Variants in RSRP1 observed in about 807,000 individuals in gnomAD.
RSRP1 encodes arginine/serine-rich protein 1.
RSRP1 carries 37 observed loss-of-function variants against 33.0 expected under a neutral mutation model. The ratio of observed to expected loss-of-function variants is 1.12; its 90% CI spans 0.86 to 1.48. The LOEUF (loss-of-function observed/expected upper bound fraction) is 1.48, where lower values mean the gene tolerates loss of function less well. RSRP1 is among the 40% of genes most tolerant of loss of function. The pLI, the probability that RSRP1 is intolerant of heterozygous loss-of-function variation, is 0.00. For synonymous variants in RSRP1, 167 were observed against 158.7 expected, an observed-to-expected ratio of 1.05 and a Z score of -0.40; for missense variants, 402 against 385.3, an observed-to-expected ratio of 1.04 and a Z score of -0.36.
intron 1 of RSRP1, among the ~76,000 whole-genome samples, chr1:25,292,526 C>T (rs975933595): frequency 7.6e-6 from 1 of 131,488 alleles, no homozygotes; most frequent in African/African-American, 2.6e-5. Context: ...TCAAGGTTCT[C>T]ATCTGGCACA....
At chr1:25,299,582 G>A (rs1643221875) in intron 1 of RSRP1, among the ~76,000 whole-genome samples, 1 of 128,386 alleles carries the variant, frequency 7.8e-6, no homozygotes, top group Admixed American at 7.6e-5. Context: ...GAACACGCTA[G>A]TGGGTTTGAG....
chr1:25,298,466 C>T (rs617674), intron 1 of RSRP1, among the ~76,000 whole-genome samples: 1,335 of 105,570 alleles, frequency 0.013, 100 homozygotes, highest in African/African-American at 0.029. Flanking sequence ...GCAGGAGGGC[C>T]CGGGGGAACC....
chr1:25,296,961 A>G (rs1303421447), intron 1 of RSRP1, among the ~76,000 whole-genome samples: 1 of 131,634 alleles, frequency 7.6e-6, no homozygotes, highest in Non-Finnish European at 1.8e-5. Context: ...ATTCTCTTAC[A>G]TAACCTTTTT....
At position 25,321,942 on chromosome 1, in the gene RSRP1, G is replaced by T; in HGVS notation, c.-67+16036C>A. ...AGCACCTCATGAGGCTAAATATTTT[G>T]ATGACCAAGTTTTCTGGAAGGTAAG... On this transcript the variant is annotated intron_variant, in intron 1 of 1. Coordinates refer to the RSRP1 transcript ENST00000561867. 1.5e-6 allele frequency: 2 copies of T among 1,333,124 alleles called. 1 individual carries two copies. Among genetic ancestry groups the T allele is most frequent in the Non-Finnish European group, 2.1e-6 (2 of 938,184 alleles). The allele number at this position is 1,333,124 out of a possible 1,614,324, so 82.6% of individuals were successfully genotyped here. A position where few individuals can be genotyped will look rare whatever the true frequency, so the allele number is the denominator to read the frequency against.
intron 3 of RSRP1, chr1:25,244,287 CGT>C: frequency 7.8e-7 from 1 of 1,288,554 alleles, no homozygotes; most frequent in Non-Finnish European, 1.0e-6. Context: ...ACCGTTACAA[CGT>C]GTACCTTTGC....
In RSRP1 at chr1:25,306,365, C is replaced by T. The variant is rs754109489; in HGVS notation, c.-67+31613G>A. On this transcript the variant is annotated intron_variant, in intron 1 of 1. Coordinates refer to the RSRP1 transcript ENST00000561867. Reference sequence around the variant, plus strand: ...CAGCAGCATTGGCATCACCTGGGACCTTGTTAGAAATGCTGTTAGACCCCA... The same window carrying T: ...CAGCAGCATTGGCATCACCTGGGACTTTGTTAGAAATGCTGTTAGACCCCA... Among the ~76,000 whole-genome samples, 27 of 131,910 alleles carry T rather than the reference C, an allele frequency of 2.0e-4. 9 individuals are homozygous for T. The highest frequency in any genetic ancestry group is 3.9e-4 in the Non-Finnish European group (22 of 55,764). 86.5% of individuals were successfully genotyped at this position (131,910 alleles called of 152,430 possible).
intron 1 of RSRP1, chr1:25,337,103 C>T (rs567730597): frequency 6.1e-5 from 10 of 163,974 alleles, no homozygotes; most frequent in Admixed American, 1.2e-4. Context: ...TCCCTTCACC[C>T]TCTGTGTTCT....
upstream of RSRP1, among the ~76,000 whole-genome samples, chr1:25,252,110 C>G (rs1305768016): frequency 2.0e-5 from 3 of 152,022 alleles, no homozygotes; most frequent in Non-Finnish European, 2.9e-5. Flanking sequence ...CTCACTCAGG[C>G]TGGAGTGCAG....
chr1:25,306,546 G>A, intron 1 of RSRP1: 1 of 1,364,140 alleles, frequency 7.3e-7, no homozygotes, highest in Non-Finnish European at 1.0e-6. Context: ...GGGTGGGTAG[G>A]GAATATGGGT....
At position 25,277,671 on chromosome 1, in the gene RSRP1, T is replaced by C. The variant is rs539701129; in HGVS notation, c.-66-30642A>G. On this transcript the variant is annotated intron_variant, in intron 1 of 1. Coordinates refer to the RSRP1 transcript ENST00000561867. ...TGACACACATAAAGAGTATTAGCTT[T>C]TATTATCAAAAGCTTTTTTTTTGAG... 1.2e-3 allele frequency among the ~76,000 whole-genome samples: 149 copies of C among 128,936 alleles called. 22 individuals are homozygous for C. Among genetic ancestry groups the C allele is most frequent in the African/African-American group, 3.7e-3 (142 of 38,028 alleles). The allele number at this position is 128,936 out of a possible 152,430, so 84.6% of individuals were successfully genotyped here. A position where few individuals can be genotyped will look rare whatever the true frequency, so the allele number is the denominator to read the frequency against.
At chr1:25,260,933 C>G (rs979876451) in intron 1 of RSRP1, among the ~76,000 whole-genome samples, 1 of 152,068 alleles carries the variant, frequency 6.6e-6, no homozygotes, top group African/African-American at 2.4e-5. Context: ...TCCCGAGTAG[C>G]TGGGACTACA....
rs776413386 is a variant in RSRP1, at chr1:25,290,822, G to A, written c.-66-43793C>T. ...TCATGGTGCTGGGAGGAGGGACCTG[G>A]GAGAAAAGGGCCAAAAGCTCCATTT... On this transcript the variant is annotated intron_variant, in intron 1 of 1. Transcript: ENST00000561867. 3 of 1,372,982 alleles carry A rather than the reference G, an allele frequency of 2.2e-6. No individual in the cohort carries two copies. In the African/African-American group the frequency reaches 4.3e-5, roughly 20 times the overall value. The allele number at this position is 1,372,982 out of a possible 1,614,324, so 85.0% of individuals were successfully genotyped here.
chr1:25,244,341 C>CCACTA (rs1639167183), intron 3 of RSRP1: 1 of 1,288,120 alleles, frequency 7.8e-7, no homozygotes, highest in Non-Finnish European at 1.0e-6. Flanking sequence ...CAAATAGTGC[C>CCACTA]TGTCCCAAAT....
In RSRP1 at chr1:25,284,543, C is replaced by T. The variant is rs199770973; in HGVS notation, c.-66-37514G>A. The T allele has an allele frequency of 8.4e-5, 116 of 1,384,504 alleles. 16 individuals are homozygous for T. In the South Asian group the frequency reaches 1.1e-3, roughly 14 times the overall value. 85.8% of individuals were successfully genotyped at this position (1,384,504 alleles called of 1,614,324 possible). On this transcript the variant is annotated intron_variant, in intron 1 of 1. Transcript: ENST00000561867. ...CCCTAAATCTCGTCTGCTTCCCCCT[C>T]GTCCTTCTCGCCATCTCCCCACCGA...
intron 1 of RSRP1, among the ~76,000 whole-genome samples, chr1:25,278,470 G>A (rs1641204639): frequency 7.6e-6 from 1 of 131,542 alleles, no homozygotes; most frequent in African/African-American, 2.6e-5. Flanking sequence ...CAACAACTGG[G>A]CTGGGTTCAG....
chr1:25,337,200 G>A (rs1400388523), intron 1 of RSRP1: 2 of 151,556 alleles, frequency 1.3e-5, no homozygotes, highest in South Asian at 2.1e-4. Context: ...TCCCCCGAGA[G>A]TGACCAGCTA....
At chr1:25,260,828 C>A (rs1458555750) in intron 1 of RSRP1, among the ~76,000 whole-genome samples, 2 of 150,228 alleles carry the variant, frequency 1.3e-5, no homozygotes, top group Non-Finnish European at 3.0e-5. Context: ...GACAGAGTCT[C>A]GCTCTATCGC....
chr1:25,307,176 A>T (rs1361676252), intron 1 of RSRP1, among the ~76,000 whole-genome samples: 2 of 132,004 alleles, frequency 1.5e-5, no homozygotes, highest in African/African-American at 5.2e-5. Context: ...GACTGTTGGG[A>T]TGCTACTGGA....
intron 1 of RSRP1, among the ~76,000 whole-genome samples, chr1:25,321,607 C>G (rs1644708538): frequency 8.0e-6 from 1 of 125,510 alleles, no homozygotes; most frequent in East Asian, 2.0e-4. Context: ...GAGGCAGAGG[C>G]TGCAGTGAGC....
Sources: gnomAD v4.1 joint callset for allele counts (sites outside exome capture counted in the v4.1 genomes callset) on GRCh38, gnomAD v4.1.1 for gene constraint, MANE v1.5 for transcripts, NCBI Gene and HGNC (gene_info 2026-07-23, HGNC 2026-07-21) for gene names.